FSTL4: variants seen among roughly 807,000 people sequenced by gnomAD.
FSTL4 encodes follistatin like 4.
FSTL4 carries 28 observed loss-of-function variants against 78.2 expected under a neutral mutation model. That is an observed-to-expected ratio of 0.36 (90% CI 0.27 to 0.49). The LOEUF is 0.49. Among genes scored for constraint, FSTL4 ranks in the 20% least tolerant of loss-of-function variants. The pLI, the probability that FSTL4 is intolerant of heterozygous loss-of-function variation, is 0.98. For missense variants in FSTL4, 922 were observed against 1,084.9 expected, an observed-to-expected ratio of 0.85 and a Z score of 2.11; for synonymous variants, 422 against 440.5, an observed-to-expected ratio of 0.96 and a Z score of 0.53.
At chr5:133,543,759 T>A (rs1759521363) in intron 3 of FSTL4, among the ~76,000 whole-genome samples, 1 of 152,146 alleles carries the variant, frequency 6.6e-6, no homozygotes, top group Non-Finnish European at 1.5e-5. Context: ...AACATTTGGT[T>A]TGTTTACATT....
intron 1 of FSTL4, among the ~76,000 whole-genome samples, chr5:133,604,934 C>G (rs1760946613): frequency 6.6e-6 from 1 of 152,144 alleles, no homozygotes; most frequent in Non-Finnish European, 1.5e-5. Context: ...TTACTGTATA[C>G]AGTCCTAAAA....
the FSTL4 span, among the ~76,000 whole-genome samples, chr5:133,726,113 T>A: frequency 4.6e-5 from 7 of 152,178 alleles, no homozygotes; most frequent in African/African-American, 1.7e-4. Context: ...GCATGGCTGA[T>A]AGCATCTCCT....
rs1751652341 is a variant in FSTL4 at position 133,236,098 on chromosome 5, C to T, written c.895-2561G>A. Among the ~76,000 whole-genome samples, 1 of 152,160 alleles carries T rather than the reference C, an allele frequency of 6.6e-6. No homozygotes were observed. Among genetic ancestry groups the T allele is most frequent in the African/African-American group, 2.4e-5 (1 of 41,438 alleles). On this transcript the variant is annotated intron_variant, in intron 7 of 15. Coordinates refer to ENST00000265342, the MANE Select transcript of FSTL4 (RefSeq NM_015082.2). This position sits in a 1 kb window ranked among gnomAD's most constrained non-coding sequence, Gnocchi z 5.0. ...CCAGAGCTGCTTGCAGGGAGCCTGG[C>T]GCTGTGGACCTGCTGGCATTTTCCC...
At chr5:133,667,336 A>G in the FSTL4 span, among the ~76,000 whole-genome samples, 6 of 152,164 alleles carry the variant, frequency 3.9e-5, no homozygotes, top group Non-Finnish European at 7.4e-5. Flanking sequence ...GATTTTTGCA[A>G]TGGTTCTCTC....
rs1225866720 is a variant in FSTL4 at position 133,361,011 on chromosome 5, C to CT, written c.409+39726dup. 7.9e-5 allele frequency among the ~76,000 whole-genome samples: 12 copies of CT among 152,090 alleles called. No individual in the cohort carries two copies. The highest frequency in any genetic ancestry group is 4.1e-4 in the South Asian group (2 of 4,824). On this transcript the variant is annotated intron_variant, in intron 4 of 15. Coordinates refer to ENST00000265342, the MANE Select transcript of FSTL4 (RefSeq NM_015082.2). This position sits in a 1 kb window ranked among gnomAD's most constrained non-coding sequence, Gnocchi z 4.3. ...TCACAATAACACAATTGTGTAGGAC[C>CT]TTTTTTTCTCTTCTTGGAGTTTACA...
chr5:133,761,755 T>C, the FSTL4 span, among the ~76,000 whole-genome samples: 96 of 152,306 alleles, frequency 6.3e-4, no homozygotes, highest in Middle Eastern at 0.01. Flanking sequence ...TATTTACTGA[T>C]TGAAAGAGGC....
chr5:133,646,968 C>T, the FSTL4 span, among the ~76,000 whole-genome samples: 1 of 152,076 alleles, frequency 6.6e-6, no homozygotes, highest in Non-Finnish European at 1.5e-5. Flanking sequence ...CCATTGGTCA[C>T]CTAGATTTAA....
intron 4 of FSTL4, among the ~76,000 whole-genome samples, chr5:133,368,666 C>T (rs1458439534): frequency 2.0e-5 from 3 of 152,162 alleles, no homozygotes; most frequent in Non-Finnish European, 4.4e-5. Flanking sequence ...TTCCCTAGCA[C>T]GGGAGGTGCA....
chr5:133,769,623 T>C, the FSTL4 span, among the ~76,000 whole-genome samples: 1 of 152,214 alleles, frequency 6.6e-6, no homozygotes, highest in Non-Finnish European at 1.5e-5. Context: ...TCTGTGGGGT[T>C]ATAGATGGTA....
At chr5:133,365,210 T>G (rs1482290233) in intron 4 of FSTL4, among the ~76,000 whole-genome samples, 2 of 151,870 alleles carry the variant, frequency 1.3e-5, no homozygotes, top group Admixed American at 6.6e-5. Context: ...TCAAAAAGGC[T>G]GGTCATGGCA....
At chr5:133,470,581 C>T (rs1276616036) in intron 3 of FSTL4, among the ~76,000 whole-genome samples, 1 of 151,906 alleles carries the variant, frequency 6.6e-6, no homozygotes, top group East Asian at 1.9e-4. Flanking sequence ...CCCGTCTCTA[C>T]TAAAAATACA....
At chr5:133,507,987 A>C (rs1345615403) in intron 3 of FSTL4, among the ~76,000 whole-genome samples, 1 of 152,170 alleles carries the variant, frequency 6.6e-6, no homozygotes, top group Non-Finnish European at 1.5e-5. Context: ...GAAATGCATC[A>C]TTGGGTATTT....
chr5:133,661,556 A>G, the FSTL4 span, among the ~76,000 whole-genome samples: 1 of 152,258 alleles, frequency 6.6e-6, no homozygotes, highest in Non-Finnish European at 1.5e-5. Flanking sequence ...AATATATTAC[A>G]GCCTAACCTC....
At chr5:133,322,227 A>C (rs1036063943) in intron 4 of FSTL4, among the ~76,000 whole-genome samples, 3 of 136,620 alleles carry the variant, frequency 2.2e-5, no homozygotes, top group Non-Finnish European at 3.2e-5. Context: ...ACACACACCC[A>C]CACACACACA....
At chr5:133,496,959 C>A (rs542999549) in intron 3 of FSTL4, among the ~76,000 whole-genome samples, 4 of 152,310 alleles carry the variant, frequency 2.6e-5, no homozygotes, top group Admixed American at 2.6e-4. Flanking sequence ...AGCCCTACCC[C>A]AATCCTCTTC....
chr5:133,567,318 G>A (rs1202178514), intron 2 of FSTL4, 99 bp from the exon 3 acceptor site: 4 of 891,290 alleles, frequency 4.5e-6, no homozygotes, highest in Non-Finnish European at 7.5e-6. Flanking sequence ...TTTATGAAAA[G>A]GTGAACAATC....
chr5:133,429,384 C>T (rs2126994545), intron 3 of FSTL4, among the ~76,000 whole-genome samples: 1 of 152,184 alleles, frequency 6.6e-6, no homozygotes, highest in African/African-American at 2.4e-5. Flanking sequence ...ATAATACAAC[C>T]TATTTCTATT....
At chr5:133,748,428 G>A in the FSTL4 span, among the ~76,000 whole-genome samples, 2 of 151,776 alleles carry the variant, frequency 1.3e-5, no homozygotes, top group African/African-American at 2.4e-5. Flanking sequence ...AAAATTAGCT[G>A]GGCTTGGTGG....
the FSTL4 span, among the ~76,000 whole-genome samples, chr5:133,729,700 A>T: frequency 6.6e-6 from 1 of 151,992 alleles, no homozygotes; most frequent in Non-Finnish European, 1.5e-5. Flanking sequence ...CCCACCACCA[A>T]CCCACCTTAC....
Sources: gnomAD v4.1 joint callset for allele counts (sites outside exome capture counted in the v4.1 genomes callset) on GRCh38, gnomAD v4.1.1 for gene constraint, Gnocchi (gnomAD v3.1) non-coding constraint, MANE v1.5 for transcripts, NCBI Gene and HGNC (gene_info 2026-07-23, HGNC 2026-07-21) for gene names.